The following SCAF8 variants were observed in gnomAD, a reference collection of about 807,000 sequenced individuals.
SCAF8 encodes the protein SR-related CTD associated factor 8.
A neutral mutation model predicts 140.5 loss-of-function variants in SCAF8; 23 were observed. The ratio of observed to expected loss-of-function variants is 0.16; its 90% CI spans 0.12 to 0.23. The LOEUF (loss-of-function observed/expected upper bound fraction) is 0.23, where lower values mean the gene tolerates loss of function less well. Ranked by LOEUF, SCAF8 falls within the 10% of genes least tolerant of loss-of-function variation. The probability of loss-of-function intolerance (pLI) is 1.00; values close to 1 mark genes in which losing one functional copy is unlikely to be tolerated. For synonymous variants in SCAF8, 575 were observed against 528.9 expected, an observed-to-expected ratio of 1.09 and a Z score of -1.20; for missense variants, 1,397 against 1,555.7, an observed-to-expected ratio of 0.90 and a Z score of 1.72.
chr6:154,769,166 T>C (rs905395048), intron 1 of SCAF8, among the ~76,000 whole-genome samples: 1 of 152,084 alleles, frequency 6.6e-6, no homozygotes, highest in Admixed American at 6.6e-5. Context: ...TGAAACATAA[T>C]GTATTATCCA....
intron 1 of SCAF8, among the ~76,000 whole-genome samples, chr6:154,761,351 T>TATG (rs2114824641): frequency 6.6e-6 from 1 of 152,138 alleles, no homozygotes; most frequent in East Asian, 1.9e-4. Flanking sequence ...CTGGGCATAG[T>TATG]GGCGGGTGCC....
intron 1 of SCAF8, among the ~76,000 whole-genome samples, chr6:154,751,459 C>T (rs1162114272): frequency 2.6e-5 from 4 of 152,090 alleles, no homozygotes; most frequent in Admixed American, 1.3e-4. Context: ...AACTCCCTAC[C>T]TCAGGTGATC....
chr6:154,822,490 G>A lies in SCAF8; in HGVS notation c.1926+81G>A, dbSNP rs545257117. 68 of 1,360,130 alleles carry A rather than the reference G, an allele frequency of 5.0e-5. No homozygotes were observed. In the East Asian group the frequency reaches 1.3e-3, roughly 27 times the overall value. 84.3% of individuals were successfully genotyped at this position (1,360,130 alleles called of 1,614,324 possible). A position where few individuals can be genotyped will look rare whatever the true frequency, so the allele number is the denominator to read the frequency against. On this transcript the variant is annotated intron_variant, in intron 16 of 19. Coordinates refer to ENST00000367178, the MANE Select transcript of SCAF8 (RefSeq NM_014892.5). ...AATCATGTATTTACTTTATAAAACC[G>A]GAATGAAAATCTCCATATTAGAATA... is the stretch of plus-strand genomic sequence containing the variant.
At chr6:154,800,424 A>G (rs906669557) in intron 6 of SCAF8, among the ~76,000 whole-genome samples, 1 of 151,630 alleles carries the variant, frequency 6.6e-6, no homozygotes, top group Non-Finnish European at 1.5e-5. Context: ...TGTGTAAGCT[A>G]TTAATGACAA....
chr6:154,738,891 G>A (rs1292945128), intron 1 of SCAF8, among the ~76,000 whole-genome samples: 1 of 152,004 alleles, frequency 6.6e-6, no homozygotes, highest in Non-Finnish European at 1.5e-5. Context: ...TTGTTTTTTT[G>A]TTTCCTTTTT....
intron 2 of SCAF8, among the ~76,000 whole-genome samples, chr6:154,777,116 G>T (rs1459844448): frequency 2.0e-5 from 3 of 152,136 alleles, no homozygotes; most frequent in Non-Finnish European, 2.9e-5. Context: ...GGGAGGCGAG[G>T]GTTGCAGTGA....
At chr6:154,769,575 TAATA>T (rs1776677982) in intron 1 of SCAF8, among the ~76,000 whole-genome samples, 1 of 152,246 alleles carries the variant, frequency 6.6e-6, no homozygotes, top group African/African-American at 2.4e-5. Context: ...TTTATTTTGA[TAATA>T]GCTAACCCTT....
intron 12 of SCAF8, 100 bp downstream of exon 12, chr6:154,810,308 G>C: frequency 1.2e-6 from 1 of 816,120 alleles, no homozygotes; most frequent in Non-Finnish European, 1.8e-6. Context: ...TCAGATTAAG[G>C]TTAAAAGTGG....
chr6:154,798,271 G>C (rs1291971549), intron 6 of SCAF8, among the ~76,000 whole-genome samples: 1 of 151,496 alleles, frequency 6.6e-6, no homozygotes, highest in African/African-American at 2.4e-5. Flanking sequence ...ACTTTGGCTT[G>C]AACAATTGGT....
At position 154,833,479 on chromosome 6, in the gene SCAF8, C is replaced by A; in HGVS notation, c.*84C>A. On this transcript the variant is annotated 3_prime_UTR_variant, in exon 20 of 20. Transcript: ENST00000367178. ...AATGGCTGACTGGACCATAGTTGTT[C>A]ACTTTTGTCTGCCAGAATTAAGTTA... The A allele has an allele frequency of 7.6e-7, 1 of 1,319,864 alleles. No homozygotes were observed. The highest frequency in any genetic ancestry group is 1.0e-6 in the Non-Finnish European group (1 of 959,000). The allele number at this position is 1,319,864 out of a possible 1,614,324, so 81.8% of individuals were successfully genotyped here.
At chr6:154,787,736 A>G in intron 3 of SCAF8, 125 bp from the exon 4 acceptor site, 2 of 703,940 alleles carry the variant, frequency 2.8e-6, no homozygotes, top group Non-Finnish European at 4.6e-6. Flanking sequence ...TAGTCAATGT[A>G]TGAATATTCA....
chr6:154,791,111 T>C (rs1777406984), intron 4 of SCAF8, among the ~76,000 whole-genome samples: 1 of 152,222 alleles, frequency 6.6e-6, no homozygotes, highest in Admixed American at 6.5e-5. Flanking sequence ...TACAAAATAC[T>C]GTAGGACATC....
chr6:154,812,674 G>A (rs1283365994), intron 12 of SCAF8, among the ~76,000 whole-genome samples: 2 of 152,100 alleles, frequency 1.3e-5, no homozygotes, highest in East Asian at 3.8e-4. Context: ...TAGAACATAA[G>A]GTTTTCGTGA....
intron 6 of SCAF8, among the ~76,000 whole-genome samples, chr6:154,796,389 C>CTCTCTCTCTCTCTCTCTCTCTG (rs376622207): frequency 2.6e-4 from 36 of 141,054 alleles, no homozygotes; most frequent in African/African-American, 6.9e-4. Context: ...CTCTCTCTCT[C>CTCTCTCTCTCTCTCTCTCTCTG]TCTGTCTCTC....
At chr6:154,778,155 G>C in intron 3 of SCAF8, 110 bp downstream of exon 3, 1 of 599,586 alleles carries the variant, frequency 1.7e-6, no homozygotes, top group Non-Finnish European at 2.9e-6. Context: ...CTGTTAAAAA[G>C]TGATTCCAGT....
chr6:154,758,982 A>G (rs1305980820), intron 1 of SCAF8, among the ~76,000 whole-genome samples: 1 of 152,136 alleles, frequency 6.6e-6, no homozygotes, highest in East Asian at 1.9e-4. Flanking sequence ...ACTGAGATCA[A>G]AGCTAGGAGA....
intron 16 of SCAF8, among the ~76,000 whole-genome samples, chr6:154,823,641 GAA>G (rs1291551543): frequency 6.7e-6 from 1 of 150,060 alleles, no homozygotes; most frequent in African/African-American, 2.5e-5. Context: ...AAGACTGTGA[GAA>G]GAGTTCTTTT....
intron 6 of SCAF8, among the ~76,000 whole-genome samples, chr6:154,796,427 A>C (rs1419508146): frequency 7.4e-6 from 1 of 134,524 alleles, no homozygotes; most frequent in African/African-American, 2.9e-5. Flanking sequence ...AATTCACGCT[A>C]TCCTTTGAGG....
upstream of SCAF8, chr6:154,733,388 G>C: frequency 7.4e-7 from 1 of 1,347,074 alleles, no homozygotes; most frequent in Non-Finnish European, 9.5e-7. Context: ...GCGGATCCCC[G>C]AACTGCGCGG....
Sources: gnomAD v4.1 joint callset for allele counts (sites outside exome capture counted in the v4.1 genomes callset) on GRCh38, gnomAD v4.1.1 for gene constraint, MANE v1.5 for transcripts, NCBI Gene and HGNC (gene_info 2026-07-23, HGNC 2026-07-21) for gene names.